The following RCAN1 variants were observed in gnomAD, a reference collection of about 807,000 sequenced individuals.
RCAN1 encodes calcipressin-1.
In RCAN1, 11 loss-of-function variants were observed where a neutral mutation model predicts 22.9. The ratio of observed to expected loss-of-function variants is 0.48; its 90% CI spans 0.30 to 0.79. The LOEUF is 0.79. Ranked by LOEUF, RCAN1 falls within the 30% of genes least tolerant of loss-of-function variation. The pLI is 0.06. For missense variants in RCAN1, 291 were observed against 337.8 expected, an observed-to-expected ratio of 0.86 and a Z score of 1.09; for synonymous variants, 136 against 142.3, an observed-to-expected ratio of 0.96 and a Z score of 0.32.
chr21:34,525,030 A>C, intron 1 of RCAN1: 3 of 1,542,688 alleles, frequency 1.9e-6, no homozygotes, highest in Middle Eastern at 1.7e-4. Flanking sequence ...CTGGCCAGGA[A>C]GAAGGGGATG....
chr21:34,540,924 G>T (rs1422261700), intron 1 of RCAN1, among the ~76,000 whole-genome samples: 4 of 152,154 alleles, frequency 2.6e-5, no homozygotes, highest in African/African-American at 9.7e-5. Context: ...GGTGGAGGTT[G>T]CAGTGAGCCG....
intron 1 of RCAN1, among the ~76,000 whole-genome samples, chr21:34,543,120 A>G (rs1268384753): frequency 6.6e-6 from 1 of 152,232 alleles, no homozygotes; most frequent in Non-Finnish European, 1.5e-5. Context: ...GAAAGCGTTC[A>G]CTGTTATGAT....
At chr21:34,543,866 C>T (rs1327709250) in intron 1 of RCAN1, among the ~76,000 whole-genome samples, 1 of 152,192 alleles carries the variant, frequency 6.6e-6, no homozygotes, top group Non-Finnish European at 1.5e-5. Context: ...GTGGTGCTGG[C>T]CAAGATGACC....
chr21:34,553,419 G>A (rs1986443375), intron 1 of RCAN1, among the ~76,000 whole-genome samples: 1 of 152,190 alleles, frequency 6.6e-6, no homozygotes, highest in African/African-American at 2.4e-5. Flanking sequence ...ATAAAATCAT[G>A]GAAAGTCATG....
intron 1 of RCAN1, among the ~76,000 whole-genome samples, chr21:34,605,722 C>A (rs77088970): frequency 0.058 from 8,873 of 151,844 alleles, 337 homozygotes; most frequent in East Asian, 0.16. Flanking sequence ...GAGTTTGAGA[C>A]CAACCTGGCC....
chr21:34,533,562 C>G (rs1985528386), intron 1 of RCAN1, among the ~76,000 whole-genome samples: 1 of 152,138 alleles, frequency 6.6e-6, no homozygotes, highest in Admixed American at 6.5e-5. Flanking sequence ...ATTCATTTGT[C>G]TAAACACTGT....
At chr21:34,607,856 G>A (rs1988577829) in intron 1 of RCAN1, among the ~76,000 whole-genome samples, 1 of 152,212 alleles carries the variant, frequency 6.6e-6, no homozygotes, top group Non-Finnish European at 1.5e-5. Flanking sequence ...CACAGCAGGA[G>A]GTGAGCAGCG....
intron 1 of RCAN1, among the ~76,000 whole-genome samples, chr21:34,577,929 T>A (rs1568919322): frequency 6.6e-6 from 1 of 152,038 alleles, no homozygotes; most frequent in Non-Finnish European, 1.5e-5. Flanking sequence ...CAGGAACAGA[T>A]CAAGGCTCAG....
In RCAN1 at chr21:34,614,466, TG is replaced by T. The variant is rs1185395455; in HGVS notation, c.252+293del. 1 of 1,020,590 alleles carries T rather than the reference TG, an allele frequency of 9.8e-7. No homozygotes were observed. The highest frequency in any genetic ancestry group is 1.2e-6 in the Non-Finnish European group (1 of 853,786). 63.2% of individuals were successfully genotyped at this position (1,020,590 alleles called of 1,614,324 possible). Reference sequence around the variant, plus strand: ...AGGGGGCGGCGGCGCTGCCCCACCTTGGGGAGCGAATTCACCCCCCTAGTCG... The same window carrying T: ...AGGGGGCGGCGGCGCTGCCCCACCTTGGGAGCGAATTCACCCCCCTAGTCG... On this transcript the variant is annotated intron_variant, in intron 1 of 3. Transcript: ENST00000313806. This position sits in a 1 kb window ranked among gnomAD's most constrained non-coding sequence, Gnocchi z 6.0.
At chr21:34,535,640 C>T (rs917352558) in intron 1 of RCAN1, among the ~76,000 whole-genome samples, 10 of 151,604 alleles carry the variant, frequency 6.6e-5, no homozygotes, top group African/African-American at 1.7e-4. Flanking sequence ...AAATAAGAAA[C>T]GCTGAAGTAT....
chr21:34,599,046 TG>T (rs1988252129), intron 1 of RCAN1, among the ~76,000 whole-genome samples: 1 of 152,134 alleles, frequency 6.6e-6, no homozygotes, highest in African/African-American at 2.4e-5. Flanking sequence ...CATGCGATGC[TG>T]GGGGTAATAC....
intron 1 of RCAN1, among the ~76,000 whole-genome samples, chr21:34,600,744 C>T (rs1409711798): frequency 6.6e-6 from 1 of 152,166 alleles, no homozygotes; most frequent in Non-Finnish European, 1.5e-5. Context: ...TTGTTTGCAA[C>T]TTTGTAGCAA....
At chr21:34,559,391 C>T (rs943246770) in intron 1 of RCAN1, 14 of 150,842 alleles carry the variant, frequency 9.3e-5, no homozygotes, top group African/African-American at 2.9e-4. Context: ...AATCCAATTA[C>T]GTAGGCGGCC....
chr21:34,598,540 T>C (rs1382816055), intron 1 of RCAN1, among the ~76,000 whole-genome samples: 1 of 152,110 alleles, frequency 6.6e-6, no homozygotes, highest in Non-Finnish European at 1.5e-5. Flanking sequence ...TACCAGAATG[T>C]CCAGTGAATT....
intron 1 of RCAN1, among the ~76,000 whole-genome samples, chr21:34,538,626 C>A (rs1985785178): frequency 6.6e-6 from 1 of 152,048 alleles, no homozygotes; most frequent in Admixed American, 6.6e-5. Flanking sequence ...GTGAAGCTAC[C>A]AAGTGGTCCT....
intron 1 of RCAN1, among the ~76,000 whole-genome samples, chr21:34,530,625 T>TGTTGTTTGTTTTG (rs1555856747): frequency 2.8e-5 from 2 of 72,010 alleles, no homozygotes; most frequent in South Asian, 4.6e-4. Flanking sequence ...AGTTTTTTTT[T>TGTTGTTTGTTTTG]TTTTTTTTTT....
At chr21:34,597,299 T>G (rs945306066) in intron 1 of RCAN1, among the ~76,000 whole-genome samples, 1 of 152,008 alleles carries the variant, frequency 6.6e-6, no homozygotes, top group Non-Finnish European at 1.5e-5. Flanking sequence ...ATGAAAAAAA[T>G]TAAAAGTTCA....
chr21:34,613,755 G>A, intron 1 of RCAN1: 2 of 1,481,872 alleles, frequency 1.3e-6, no homozygotes, highest in Non-Finnish European at 1.8e-6. Flanking sequence ...GAAAGTAAGT[G>A]AACATATAAA....
chr21:34,576,492 G>C (rs1038982266), intron 1 of RCAN1, among the ~76,000 whole-genome samples: 1 of 152,208 alleles, frequency 6.6e-6, no homozygotes, highest in East Asian at 1.9e-4. Context: ...TTCCAGGCTT[G>C]ATGGTATTTT....
Sources: allele counts gnomAD v4.1 joint callset (sites outside exome capture counted in the v4.1 genomes callset), GRCh38; gene constraint gnomAD v4.1.1; non-coding constraint Gnocchi (gnomAD v3.1); transcripts MANE v1.5; gene names NCBI Gene and HGNC (gene_info 2026-07-23, HGNC 2026-07-21).